Variants in DPEP2 observed in about 807,000 individuals in gnomAD.
DPEP2 encodes dipeptidase 2.
A neutral mutation model predicts 51.8 loss-of-function variants in DPEP2; 45 were observed. The observed-to-expected ratio is 0.87, with a 90% CI of 0.68 to 1.11. The LOEUF (loss-of-function observed/expected upper bound fraction) is 1.11. Among genes scored for constraint, DPEP2 ranks in the 50% most tolerant of loss-of-function variants. The pLI, the probability that DPEP2 is intolerant of heterozygous loss-of-function variation, is 0.00. For synonymous variants in DPEP2, 255 were observed against 262.7 expected (o/e 0.97, Z 0.28); for missense variants, 604 against 631.9 (o/e 0.96, Z 0.47).
intron 9 of DPEP2, 164 bp from the exon 10 acceptor site, chr16:67,988,151 CA>C (rs1384730158): frequency 2.7e-6 from 2 of 753,398 alleles, no homozygotes. Flanking sequence ...AAGGAGGCCT[CA>C]AAACCTCCTT....
chr16:67,994,228 C>T (rs996824939), intron 1 of DPEP2: 32 of 985,418 alleles, frequency 3.2e-5, no homozygotes, highest in Non-Finnish European at 3.6e-5. Flanking sequence ...GCCCCGGCCT[C>T]GTCCAGGTCA....
At chr16:67,998,200 C>G (rs1012832349) in intron 1 of DPEP2, among the ~76,000 whole-genome samples, 5 of 152,172 alleles carry the variant, frequency 3.3e-5, no homozygotes, top group African/African-American at 1.2e-4. Context: ...CCTCAGCTTG[C>G]AGGGAGGTGT....
chr16:67,998,442 G>C (rs1025349714), intron 1 of DPEP2, among the ~76,000 whole-genome samples: 19 of 152,208 alleles, frequency 1.2e-4, no homozygotes, highest in Admixed American at 9.2e-4. Context: ...GGCCTTAGCT[G>C]CCTTCCCGGG....
chr16:67,991,086 TG>T lies in DPEP2; in HGVS notation c.732+28del, dbSNP rs778383463. ...AACAGCTGGGGTGTGCACATTTGTT[TG>T]GGGTGGAGTGTGAACCAGGGTCCTC... On this transcript the variant is annotated intron_variant, in intron 6 of 10. Transcript: ENST00000393847. This position sits in a 1 kb window ranked among gnomAD's most constrained non-coding sequence, Gnocchi z 5.1. 1 of 1,614,214 alleles carries T rather than the reference TG, an allele frequency of 6.2e-7. No homozygotes were observed. The highest frequency in any genetic ancestry group is 1.1e-5 in the South Asian group (1 of 91,090).
chr16:67,987,503 T>A lies in DPEP2; in HGVS notation c.*3A>T, dbSNP rs563720655. On this transcript the variant is annotated 3_prime_UTR_variant, in exon 11 of 11. Coordinates refer to ENST00000393847, the MANE Select transcript of DPEP2 (RefSeq NM_022355.4). The stretch of plus-strand genomic sequence containing the variant: ...GTGACATCTGGCAGGACTAACTGGG[T>A]CATCAGAGCCACAGAATAAGGACTG... The A allele has an allele frequency of 6.2e-7, 1 of 1,604,200 alleles. No individual in the cohort carries two copies. Among genetic ancestry groups the A allele is most frequent in the African/African-American group, 1.3e-5 (1 of 74,774 alleles).
intron 1 of DPEP2, chr16:67,993,953 G>A (rs891440289): frequency 3.0e-6 from 3 of 984,504 alleles, no homozygotes; most frequent in Admixed American, 1.2e-4. Context: ...CGCCCCGACC[G>A]CACATTCTCC....
rs2031547048 is a variant in DPEP2 at position 67,987,585 on chromosome 16, G to T, written c.1382C>A (p.Ser461Ter). Residue 461 changes from serine to a stop codon, truncating the protein, a stop_gained, in exon 11 of 11, where the codon TCA (serine) becomes TAA (stop). Coordinates refer to ENST00000393847, the MANE Select transcript of DPEP2 (RefSeq NM_022355.4). LOFTEE classifies it high-confidence loss of function. ...CATGTGGGGGGAGGACTCTGAGACTGACCACTTGGCTGGTAACTTGGCTGT... is the reference window on the plus strand; with the variant it reads ...CATGTGGGGGGAGGACTCTGAGACTTACCACTTGGCTGGTAACTTGGCTGT... ...HWTAKLPAKW[S>*]VSESSPHMAP... 2 of 1,614,092 alleles carry T rather than the reference G, an allele frequency of 1.2e-6. No homozygotes were observed. The highest frequency in any genetic ancestry group is 1.7e-6 in the Non-Finnish European group (2 of 1,180,048).
chr16:67,989,538 G>A, intron 8 of DPEP2, 140 bp from the exon 9 acceptor site: 1 of 802,200 alleles, frequency 1.2e-6, no homozygotes, highest in South Asian at 1.6e-5. Context: ...CACATAGCTT[G>A]GCAACCTGAG....
chr16:67,987,507 C>G lies in DPEP2; in HGVS notation c.1460G>C (p.Ter487SerextTer1). 6.2e-7 allele frequency: 1 copy of G among 1,606,084 alleles called. No homozygotes were observed. Among genetic ancestry groups the G allele is most frequent in the Non-Finnish European group, 8.5e-7 (1 of 1,173,252 alleles). The change falls in exon 11 of 11, where the codon TGA becomes TCA. Residue 487 changes from the stop codon to serine, a stop_lost. Transcript: ENST00000393847. The stretch of plus-strand genomic sequence containing the variant: ...CATCTGGCAGGACTAACTGGGTCAT[C>G]AGAGCCACAGAATAAGGACTGGGAA... Reference protein sequence around the residue: ...ATFPVLILWL* With the variant: ...ATFPVLILWLS
rs562409062 is a variant in DPEP2, at chr16:67,998,698, G to C, written c.-46+677C>G. On this transcript the variant is annotated intron_variant, in intron 1 of 10. Coordinates refer to ENST00000393847, the MANE Select transcript of DPEP2 (RefSeq NM_022355.4). ...TGCTCCTGAGTCTGGTGGGGACGTGGACAATCTTTACGTCTAGCTCAGGAT... is the reference window on the plus strand; with the variant it reads ...TGCTCCTGAGTCTGGTGGGGACGTGCACAATCTTTACGTCTAGCTCAGGAT... Among the ~76,000 whole-genome samples the C allele has an allele frequency of 6.6e-5, 10 of 152,126 alleles. No individual in the cohort carries two copies. The South Asian group carries it at 1.4e-3, about 22-fold the overall frequency.
In DPEP2 at chr16:67,992,492, C is replaced by G. The variant is rs376727887; in HGVS notation, c.390+18G>C. 4 of 1,601,852 alleles carry G rather than the reference C, an allele frequency of 2.5e-6. No individual in the cohort carries two copies. Among genetic ancestry groups the G allele is most frequent in the Non-Finnish European group, 3.4e-6 (4 of 1,172,284 alleles). ...CCCCAGCAGCCATGCTGTGGCACCT[C>G]GTGTATCCCTGTGGTACCTGGGCGC... On this transcript the variant is annotated intron_variant, in intron 3 of 10. Coordinates refer to ENST00000393847, the MANE Select transcript of DPEP2 (RefSeq NM_022355.4).
upstream of DPEP2, chr16:68,000,558 T>A (rs1598287019): frequency 1.1e-6 from 1 of 895,468 alleles, no homozygotes; most frequent in South Asian, 5.1e-5. Context: ...TGATGTCTGA[T>A]ACAGACAATT....
At chr16:67,990,007 C>G (rs770243820) in intron 8 of DPEP2, 40 bp downstream of exon 8, 40 of 1,607,702 alleles carry the variant, frequency 2.5e-5, no homozygotes, top group Middle Eastern at 1.7e-4. Flanking sequence ...TCTTCAGGTG[C>G]AAATCAGAAC....
Position 67,989,888 on chromosome 16 carries a change from G to A in DPEP2, c.994+159C>T, listed in dbSNP as rs1399471674. ...TTCCTCCCTTATACCCATCAGGACC[G>A]CAGCACTGACTCTGTGGCTGCAGCT... On this transcript the variant is annotated intron_variant, in intron 8 of 10. Transcript: ENST00000393847. 4.6e-5 allele frequency among the ~76,000 whole-genome samples: 7 copies of A among 152,186 alleles called. No homozygotes were observed. In the East Asian group the frequency reaches 9.6e-4, roughly 21 times the overall value.
chr16:67,989,812 G>A (rs2031898222), intron 8 of DPEP2, among the ~76,000 whole-genome samples: 1 of 152,180 alleles, frequency 6.6e-6, no homozygotes. Flanking sequence ...GGGTGCTTTG[G>A]GGATCCCCTG....
intron 9 of DPEP2, 58 bp downstream of exon 9, chr16:67,989,265 C>G: frequency 6.3e-7 from 1 of 1,588,046 alleles, no homozygotes; most frequent in South Asian, 1.1e-5. Flanking sequence ...CTATGGTGAC[C>G]GTGAAGGCCC....
rs1420488251 is a variant in DPEP2, at chr16:67,992,130, G to A, written c.454C>T (p.Gln152Ter). The A allele has an allele frequency of 6.2e-7, 1 of 1,614,198 alleles. No individual in the cohort carries two copies. The highest frequency in any genetic ancestry group is 1.1e-5 in the South Asian group (1 of 91,088). The change falls in exon 4 of 11, where the codon CAG becomes TAG. Residue 152 changes from glutamine (Q) to a stop codon, truncating the protein, a stop_gained. Coordinates refer to ENST00000393847, the MANE Select transcript of DPEP2 (RefSeq NM_022355.4). LOFTEE classifies it high-confidence loss of function. ...DRDALRLTLE[Q>*]IDLIRRMCAS... ...CACATGCGGCGTATGAGGTCAATCT[G>A]CTCCAGGGTGAGGCGCAGGGCATCC...
upstream of DPEP2, among the ~76,000 whole-genome samples, chr16:68,000,207 G>A (rs1215054177): frequency 6.6e-6 from 1 of 152,190 alleles, no homozygotes; most frequent in Non-Finnish European, 1.5e-5. Context: ...TGGGTGAACA[G>A]CTTTTCCCTC....
rs532075955 is a variant in DPEP2 at position 67,999,008 on chromosome 16, A to C, written c.-46+367T>G. Among the ~76,000 whole-genome samples, 4 of 152,308 alleles carry C rather than the reference A, an allele frequency of 2.6e-5. No homozygotes were observed. In the South Asian group the frequency reaches 8.3e-4, roughly 32 times the overall value. On this transcript the variant is annotated intron_variant, in intron 1 of 10. Coordinates refer to ENST00000393847, the MANE Select transcript of DPEP2 (RefSeq NM_022355.4). ...CAATCAGCAGGATGTGGGTGGGGCCAGATAAGAGAATAAAAGCAGGCTGCC... is the reference window on the plus strand; with the variant it reads ...CAATCAGCAGGATGTGGGTGGGGCCCGATAAGAGAATAAAAGCAGGCTGCC...
Sources: allele counts gnomAD v4.1 joint callset (sites outside exome capture counted in the v4.1 genomes callset), GRCh38; gene constraint gnomAD v4.1.1; non-coding constraint Gnocchi (gnomAD v3.1); transcripts MANE v1.5; gene names NCBI Gene and HGNC (gene_info 2026-07-23, HGNC 2026-07-21).